Variants in DAGLA observed in about 807,000 individuals in gnomAD.
DAGLA encodes diacylglycerol lipase-alpha.
A neutral mutation model predicts 102.6 loss-of-function variants in DAGLA; 22 were observed. The ratio of observed to expected loss-of-function variants is 0.21; its 90% confidence interval spans 0.15 to 0.31. DAGLA has a LOEUF of 0.31. Among genes scored for constraint, DAGLA ranks in the 10% least tolerant of loss-of-function variants. The probability of loss-of-function intolerance (pLI) is 1.00; values close to 1 mark genes in which losing one functional copy is unlikely to be tolerated. For synonymous variants in DAGLA, 578 were observed against 628.9 expected (o/e 0.92, Z 1.21); for missense variants, 927 against 1,446.6 (o/e 0.64, Z 5.83).
chr11:61,724,464 CG>C (rs1489076300), intron 5 of DAGLA, among the ~76,000 whole-genome samples: 7 of 152,190 alleles, frequency 4.6e-5, no homozygotes, highest in African/African-American at 1.2e-4. Context: ...GGTCACCTGC[CG>C]TGGGTCTTGC....
chr11:61,716,398 A>G lies in DAGLA; in HGVS notation c.-44-3714A>G, dbSNP rs1023274174. ...GAGGTGACTTTTAGCTGACCTAGAG[A>G]GATGAGTTGGATTTCACCCATCAGA... On this transcript the variant is annotated intron_variant, in intron 1 of 19. Coordinates refer to ENST00000257215, the MANE Select transcript of DAGLA (RefSeq NM_006133.3). Among the ~76,000 whole-genome samples, 4 of 152,062 alleles carry G rather than the reference A, an allele frequency of 2.6e-5. No homozygotes were observed. The East Asian group carries it at 5.8e-4, about 22-fold the overall frequency.
intron 19 of DAGLA, 25 bp from the exon 20 acceptor site, chr11:61,743,507 C>T (rs1017885788): frequency 1.3e-6 from 2 of 1,496,830 alleles, no homozygotes; most frequent in African/African-American, 1.4e-5. Flanking sequence ...AGTCTTATAC[C>T]CCCTGCTCTC....
At chr11:61,696,744 C>T (rs1314232355) in intron 1 of DAGLA, among the ~76,000 whole-genome samples, 1 of 152,150 alleles carries the variant, frequency 6.6e-6, no homozygotes, top group Non-Finnish European at 1.5e-5. Context: ...ATCCCAGCCT[C>T]CTTGGCAGCG....
chr11:61,694,398 C>A (rs1037579822), intron 1 of DAGLA, among the ~76,000 whole-genome samples: 1 of 152,238 alleles, frequency 6.6e-6, no homozygotes, highest in Non-Finnish European at 1.5e-5. Flanking sequence ...CACTGCTGTC[C>A]CCACAGCCAG....
rs759629118 is a variant in DAGLA, at chr11:61,737,750, C to T, written c.1578C>T (p.Val526=). The change falls in exon 15 of 20, where the codon GTC becomes GTT. Residue 526 remains valine, a synonymous_variant. Transcript: ENST00000257215. ...VTAVVLGKDL[V]PRIGLSQLEG... is the part of the protein sequence containing the mutation. ...CTGTGGTTCTGGGCAAAGACCTCGT[C>T]CCCAGGTGAGTCCTTGGCCCCGCTC... is the stretch of plus-strand genomic sequence containing the variant. 2.0e-5 allele frequency: 32 copies of T among 1,613,770 alleles called. No homozygotes were observed. In the East Asian group the frequency reaches 6.7e-4, roughly 34 times the overall value.
intron 1 of DAGLA, among the ~76,000 whole-genome samples, chr11:61,703,954 CAA>C (rs1431764260): frequency 1.3e-5 from 2 of 152,168 alleles, no homozygotes; most frequent in Non-Finnish European, 2.9e-5. Flanking sequence ...TGATTGGACA[CAA>C]AGAGTAAGAC....
In DAGLA at chr11:61,744,013, G is replaced by A. The variant is rs1036954787; in HGVS notation, c.2653G>A (p.Gly885Arg). The A allele has an allele frequency of 3.1e-6, 5 of 1,611,880 alleles. No homozygotes were observed. Among genetic ancestry groups the A allele is most frequent in the Non-Finnish European group, 4.2e-6 (5 of 1,179,676 alleles). The change falls in exon 20 of 20, where the codon GGG becomes AGG. Residue 885 changes from glycine to arginine, a missense_variant. By Grantham distance (125) the Gly-to-Arg change is moderately radical. This residue lies in a region of DAGLA where 434 missense variants were observed against 503.3 expected (regional missense o/e 0.86). Coordinates refer to ENST00000257215, the MANE Select transcript of DAGLA (RefSeq NM_006133.3). ...TGACGAGGAGGAAGAGGTTGGCGGT[G>A]GGGGTGGCGGGCCGGCCTCCCGCGG... ...ANDEEEEVGG[G>R]GGGPASRGEL... is the part of the protein sequence containing the mutation.
At chr11:61,721,161 C>T (rs1490483251) in intron 3 of DAGLA, among the ~76,000 whole-genome samples, 1 of 151,986 alleles carries the variant, frequency 6.6e-6, no homozygotes, top group African/African-American at 2.4e-5. Flanking sequence ...TTTGGGAGGC[C>T]GAGGCAGGTG....
At chr11:61,718,222 C>A (rs1308223813) in intron 1 of DAGLA, among the ~76,000 whole-genome samples, 1 of 152,114 alleles carries the variant, frequency 6.6e-6, no homozygotes, top group Non-Finnish European at 1.5e-5. Context: ...CAGCACTGCT[C>A]CCTCCTCCCC....
rs1366983980 is a variant in DAGLA, at chr11:61,735,629, G to T, written c.1197G>T (p.Gly399=). Residue 399 remains glycine (G), a synonymous_variant, in exon 11 of 20, where the codon GGG becomes GGT. Transcript: ENST00000257215. ...AGAAAGTGGTGATCAGTATCCGGGG[G>T]ACCCTGTCCCCCAAGGTACGCTGCC... is the stretch of plus-strand genomic sequence containing the variant. ...DKKKVVISIR[G]TLSPKDALTD... 5.0e-6 allele frequency: 8 copies of T among 1,614,026 alleles called. No homozygotes were observed. The highest frequency in any genetic ancestry group is 6.8e-6 in the Non-Finnish European group (8 of 1,179,928).
rs529763329 is a variant in DAGLA, at chr11:61,726,582, G to A, written c.636+500G>A. 1.1e-4 allele frequency among the ~76,000 whole-genome samples: 17 copies of A among 152,346 alleles called. No homozygotes were observed. The South Asian group carries it at 3.5e-3, about 32-fold the overall frequency. On this transcript the variant is annotated intron_variant, in intron 6 of 19. Transcript: ENST00000257215. Reference sequence around the variant, plus strand: ...GGCCAGCTGGGGGCGGCCCCCAAGGGGAGGGAAGGGAGGCAGGCCCCGGGA... The same window carrying A: ...GGCCAGCTGGGGGCGGCCCCCAAGGAGAGGGAAGGGAGGCAGGCCCCGGGA...
intron 1 of DAGLA, among the ~76,000 whole-genome samples, chr11:61,685,632 A>G (rs546264419): frequency 6.6e-6 from 1 of 152,242 alleles, no homozygotes; most frequent in African/African-American, 2.4e-5. Context: ...GTTGCTTAAA[A>G]TCTGTTGAGA....
In DAGLA at chr11:61,681,860, C is replaced by T. The variant is rs2064944948; in HGVS notation, c.-45+1356C>T. On this transcript the variant is annotated intron_variant, in intron 1 of 19. Transcript: ENST00000257215. ...GGGTGAAGGTCTCACTCAGCATCAC[C>T]TAGTGCCTTACTTTACAGAGAAGCA... 2.6e-5 allele frequency among the ~76,000 whole-genome samples: 4 copies of T among 152,198 alleles called. No individual in the cohort carries two copies. The South Asian group carries it at 6.2e-4, about 24-fold the overall frequency.
At position 61,744,473 on chromosome 11, in the gene DAGLA, T is replaced by A; in HGVS notation, c.3113T>A (p.Val1038Asp). 1 of 1,576,722 alleles carries A rather than the reference T, an allele frequency of 6.3e-7. No individual in the cohort carries two copies. Among genetic ancestry groups the A allele is most frequent in the South Asian group, 1.2e-5 (1 of 86,252 alleles). ...AGCCCCGCCAAGCAAGATGAGCTGG[T>A]CATCTCAGCACGCTAGCACCCCAGT... The part of the protein sequence containing the change: ...GASPAKQDEL[V>D]ISAR Residue 1038 changes from valine (V) to aspartate (D), a missense_variant, in exon 20 of 20, where the codon GTC (valine) becomes GAC (aspartate). Coordinates refer to ENST00000257215, the MANE Select transcript of DAGLA (RefSeq NM_006133.3).
chr11:61,690,952 C>T (rs553466284), intron 1 of DAGLA, among the ~76,000 whole-genome samples: 7 of 152,366 alleles, frequency 4.6e-5, no homozygotes, highest in East Asian at 3.9e-4. Flanking sequence ...TGTACCTCGC[C>T]GGCCGTGGCA....
intron 12 of DAGLA, 64 bp downstream of exon 12, chr11:61,735,880 C>A: frequency 6.9e-7 from 1 of 1,451,406 alleles, no homozygotes; most frequent in Non-Finnish European, 9.4e-7. Flanking sequence ...TGTGCAGAGG[C>A]GTGTATGGTT....
chr11:61,728,407 A>C, intron 7 of DAGLA, 120 bp downstream of exon 7: 1 of 1,234,978 alleles, frequency 8.1e-7, no homozygotes, highest in Non-Finnish European at 1.1e-6. Flanking sequence ...GTGACCACGC[A>C]CTCTCTTGGA....
chr11:61,711,204 T>A (rs927922695), intron 1 of DAGLA, among the ~76,000 whole-genome samples: 1 of 152,160 alleles, frequency 6.6e-6, no homozygotes, highest in Non-Finnish European at 1.5e-5. Context: ...GAAAACAGCC[T>A]GGTGCCACCC....
chr11:61,682,624 C>T (rs2064951808), intron 1 of DAGLA, among the ~76,000 whole-genome samples: 2 of 152,162 alleles, frequency 1.3e-5, no homozygotes, highest in South Asian at 4.1e-4. Context: ...GTGTCTGTGG[C>T]TGACAGATCT....
Sources: allele counts gnomAD v4.1 joint callset (sites outside exome capture counted in the v4.1 genomes callset), GRCh38; gene constraint gnomAD v4.1.1; regional missense constraint gnomAD v4.1.1; transcripts MANE v1.5; gene names NCBI Gene and HGNC (gene_info 2026-07-23, HGNC 2026-07-21).